Variants in PRKCA observed in about 807,000 individuals in gnomAD.
The protein encoded by PRKCA is protein kinase C alpha.
Under a neutral mutation model 87.0 loss-of-function variants are expected in PRKCA, and 27 were observed. The observed-to-expected ratio is 0.31, with a 90% CI of 0.23 to 0.43. The LOEUF (loss-of-function observed/expected upper bound fraction) is 0.43. Among genes scored for constraint, PRKCA ranks in the 20% least tolerant of loss-of-function variants. PRKCA has a pLI of 1.00. For missense variants in PRKCA, 518 were observed against 852.3 expected, an observed-to-expected ratio of 0.61 and a Z score of 4.88; for synonymous variants, 329 against 311.1, an observed-to-expected ratio of 1.06 and a Z score of -0.61.
At chr17:66,433,454 G>A (rs1255214016) in intron 2 of PRKCA, among the ~76,000 whole-genome samples, 1 of 152,222 alleles carries the variant, frequency 6.6e-6, no homozygotes, top group Non-Finnish European at 1.5e-5. Context: ...AAGTGAGGAT[G>A]CGTGTTTGCT....
chr17:66,747,261 G>A (rs1974314783), intron 13 of PRKCA, among the ~76,000 whole-genome samples: 2 of 152,142 alleles, frequency 1.3e-5, no homozygotes, highest in South Asian at 2.1e-4. Context: ...GTAGGGATGG[G>A]GGTCTCGCTG....
chr17:66,629,605 G>C (rs1226732311), intron 3 of PRKCA, among the ~76,000 whole-genome samples: 3 of 152,178 alleles, frequency 2.0e-5, no homozygotes, highest in Non-Finnish European at 4.4e-5. Context: ...GATGCTTCTT[G>C]TATTCCTATT....
chr17:66,699,801 C>T (rs1412909314), intron 8 of PRKCA, among the ~76,000 whole-genome samples: 1 of 152,256 alleles, frequency 6.6e-6, no homozygotes, highest in African/African-American at 2.4e-5. Flanking sequence ...GTCTCAAACT[C>T]CTGGCCTCAA....
At chr17:66,360,875 A>G (rs1908350711) in intron 2 of PRKCA, among the ~76,000 whole-genome samples, 1 of 152,200 alleles carries the variant, frequency 6.6e-6, no homozygotes, top group Non-Finnish European at 1.5e-5. Flanking sequence ...AGGGAGGTTT[A>G]GGGAATGAGT....
At chr17:66,430,276 G>C (rs752319389) in intron 2 of PRKCA, among the ~76,000 whole-genome samples, 1 of 151,944 alleles carries the variant, frequency 6.6e-6, no homozygotes, top group Non-Finnish European at 1.5e-5. Context: ...CCGAATACAG[G>C]GGGCAGAGTG....
At chr17:66,605,780 T>A (rs190043250) in intron 3 of PRKCA, among the ~76,000 whole-genome samples, 1 of 152,286 alleles carries the variant, frequency 6.6e-6, no homozygotes, top group Non-Finnish European at 1.5e-5. Context: ...TGCTGCAACA[T>A]AGATGGACCT....
At chr17:66,640,535 G>A (rs1051045417) in intron 3 of PRKCA, among the ~76,000 whole-genome samples, 5 of 152,178 alleles carry the variant, frequency 3.3e-5, no homozygotes, top group African/African-American at 1.2e-4. Flanking sequence ...TTTGGAGATG[G>A]TGCAGAAGCA....
At chr17:66,382,539 G>C (rs574865191) in intron 2 of PRKCA, among the ~76,000 whole-genome samples, 194 of 152,264 alleles carry the variant, frequency 1.3e-3, no homozygotes, top group African/African-American at 3.8e-3. Context: ...GACCTCAAGT[G>C]ATTTGCCTGC....
chr17:66,634,047 G>A (rs897667278), intron 3 of PRKCA, among the ~76,000 whole-genome samples: 4 of 152,124 alleles, frequency 2.6e-5, no homozygotes, highest in African/African-American at 4.8e-5. Flanking sequence ...AAATGATAGC[G>A]GTAATGATGA....
chr17:66,372,823 G>A (rs199962751), intron 2 of PRKCA, among the ~76,000 whole-genome samples: 3 of 152,098 alleles, frequency 2.0e-5, no homozygotes, highest in Non-Finnish European at 4.4e-5. Context: ...TTGGGAAGCC[G>A]AGGCAGGCAG....
rs1204841909 is a variant in PRKCA, at chr17:66,704,530, T to G, written c.918+15483T>G. ...TAATATTGGGATGACTGAAGTCTCA[T>G]GCAGAGAAATATGTGTGTCTTCACA... is the stretch of plus-strand genomic sequence containing the variant. On this transcript the variant is annotated intron_variant, in intron 8 of 16. Coordinates refer to ENST00000413366, the MANE Select transcript of PRKCA (RefSeq NM_002737.3). 4.6e-5 allele frequency among the ~76,000 whole-genome samples: 7 copies of G among 152,218 alleles called. No individual in the cohort carries two copies. The South Asian group carries it at 6.2e-4, about 14-fold the overall frequency.
rs1598735673 is a variant in PRKCA at position 66,516,926 on chromosome 17, G to A, written c.288+20643G>A. On this transcript the variant is annotated intron_variant, in intron 3 of 16. Coordinates refer to ENST00000413366, the MANE Select transcript of PRKCA (RefSeq NM_002737.3). ...CCGGAATTTGATGCGAGGCTAGGATGGATATTGGGTTTTCTCTCTGGAATA... is the reference window on the plus strand; with the variant it reads ...CCGGAATTTGATGCGAGGCTAGGATAGATATTGGGTTTTCTCTCTGGAATA... Among the ~76,000 whole-genome samples the A allele has an allele frequency of 2.0e-5, 3 of 152,164 alleles. No individual in the cohort carries two copies. In the East Asian group the frequency reaches 5.8e-4, roughly 29 times the overall value.
rs1970457217 is a variant in PRKCA, at chr17:66,614,232, T to C, written c.289-27123T>C. 2.0e-5 allele frequency among the ~76,000 whole-genome samples: 3 copies of C among 152,178 alleles called. No individual in the cohort carries two copies. In the South Asian group the frequency reaches 6.2e-4, roughly 32 times the overall value. On this transcript the variant is annotated intron_variant, in intron 3 of 16. Transcript: ENST00000413366. ...CACAGAAACCTGGCCACTCCATTTT[T>C]GAGGTACATTTTTAATGATTGTAGA...
At chr17:66,439,613 C>T (rs371679932) in intron 2 of PRKCA, among the ~76,000 whole-genome samples, 4 of 152,198 alleles carry the variant, frequency 2.6e-5, no homozygotes, top group East Asian at 1.9e-4. Flanking sequence ...CAGGGCTCCT[C>T]GTTGTCCTCT....
intron 2 of PRKCA, among the ~76,000 whole-genome samples, chr17:66,489,734 T>C (rs1404430756): frequency 6.6e-6 from 1 of 152,048 alleles, no homozygotes; most frequent in Non-Finnish European, 1.5e-5. Flanking sequence ...CTTTTCTTTC[T>C]TTCTTTTCCT....
At chr17:66,349,370 C>T (rs915684640) in intron 2 of PRKCA, among the ~76,000 whole-genome samples, 6 of 152,260 alleles carry the variant, frequency 3.9e-5, no homozygotes, top group Admixed American at 6.5e-5. Flanking sequence ...TGCTACCCCC[C>T]GCATTTGGCA....
In PRKCA at chr17:66,479,001, C is replaced by T. The variant is rs189743583; in HGVS notation, c.206-17200C>T. ...ATGACGAAGACGCCAAAAGCAATTG[C>T]GACAAAAGCAAAAATTGACAAATGG... On this transcript the variant is annotated intron_variant, in intron 2 of 16. Transcript: ENST00000413366. Among the ~76,000 whole-genome samples the T allele has an allele frequency of 6.6e-3, 998 of 152,188 alleles. 31 individuals are homozygous for T. Among genetic ancestry groups the T allele is most frequent in the Admixed American group, 0.055 (847 of 15,282 alleles).
At chr17:66,508,647 C>T (rs543395651) in intron 3 of PRKCA, among the ~76,000 whole-genome samples, 31 of 152,276 alleles carry the variant, frequency 2.0e-4, no homozygotes, top group Middle Eastern at 3.4e-3. Flanking sequence ...TCTTGGTTGT[C>T]TCCATCTTTT....
At chr17:66,794,932 C>A (rs1045466708) in intron 16 of PRKCA, among the ~76,000 whole-genome samples, 3 of 152,112 alleles carry the variant, frequency 2.0e-5, no homozygotes, top group African/African-American at 7.2e-5. Flanking sequence ...TTTTCTATAT[C>A]TCTGTCTGTG....
Sources: allele counts gnomAD v4.1 joint callset (sites outside exome capture counted in the v4.1 genomes callset), GRCh38; gene constraint gnomAD v4.1.1; transcripts MANE v1.5; gene names NCBI Gene and HGNC (gene_info 2026-07-23, HGNC 2026-07-21).